The following SPATA19 variants were observed in gnomAD, a reference collection of about 807,000 sequenced individuals.
SPATA19 encodes the protein spermatogenesis associated 19.
Under a neutral mutation model 25.0 loss-of-function variants are expected in SPATA19, and 19 were observed. The ratio of observed to expected loss-of-function variants is 0.76; its 90% CI spans 0.53 to 1.11. The LOEUF (loss-of-function observed/expected upper bound fraction) is 1.11, where lower values mean the gene tolerates loss of function less well. Among genes scored for constraint, SPATA19 ranks in the 50% most tolerant of loss-of-function variants. The pLI is 0.00. For synonymous variants in SPATA19, 64 were observed against 69.3 expected (o/e 0.92, Z 0.38); for missense variants, 222 against 211.4 (o/e 1.05, Z -0.31).
At position 133,842,509 on chromosome 11, in the gene SPATA19, T is replaced by A; in HGVS notation, c.413A>T (p.Asp138Val). ...PSEMTEDIMRDRIEQVRRSIS... is the reference protein window; with the variant it reads ...PSEMTEDIMRVRIEQVRRSIS... Reference sequence around the variant, plus strand: ...CCTTCGTCTCACCTGCTCTATTCGATCTCGCATGATGTCCTCTGTCATCTC... The same window carrying A: ...CCTTCGTCTCACCTGCTCTATTCGAACTCGCATGATGTCCTCTGTCATCTC... Residue 138 changes from aspartate to valine, a missense_variant, in exon 5 of 7, where the codon GAT (aspartate) becomes GTT (valine). Coordinates refer to ENST00000299140, the MANE Select transcript of SPATA19 (RefSeq NM_174927.3). The A allele has an allele frequency of 6.2e-7, 1 of 1,613,974 alleles. No homozygotes were observed. The highest frequency in any genetic ancestry group is 8.5e-7 in the Non-Finnish European group (1 of 1,179,954).
chr11:133,845,130 T>C lies in SPATA19; in HGVS notation c.135+4A>G. On this transcript the variant is annotated splice_donor_region_variant and intron_variant, in intron 2 of 6. Transcript: ENST00000299140. ...ATCCTGAGTCATAAAGAAATCTTACTCACTTTTTTCAACCAATGATGTAGT... is the reference window on the plus strand; with the variant it reads ...ATCCTGAGTCATAAAGAAATCTTACCCACTTTTTTCAACCAATGATGTAGT... 3.1e-6 allele frequency: 5 copies of C among 1,613,292 alleles called. No individual in the cohort carries two copies. Among genetic ancestry groups the C allele is most frequent in the Non-Finnish European group, 4.2e-6 (5 of 1,179,476 alleles).
rs1357811918 is a variant in SPATA19 at position 133,840,912 on chromosome 11, C to T, written c.*21G>A. ...TGTAACCCCACTGTTCTCCGCGTTC[C>T]CAAAGCTCCATCTAGAGAGCAGAAA... On this transcript the variant is annotated 3_prime_UTR_variant, in exon 7 of 7. Coordinates refer to ENST00000299140, the MANE Select transcript of SPATA19 (RefSeq NM_174927.3). 3 of 152,130 alleles carry T rather than the reference C, an allele frequency of 2.0e-5. No homozygotes were observed. Among genetic ancestry groups the T allele is most frequent in the Non-Finnish European group, 4.4e-5 (3 of 68,052 alleles). The allele number at this position is 152,130 out of a possible 1,614,324, so 9.4% of individuals were successfully genotyped here.
downstream of SPATA19, among the ~76,000 whole-genome samples, chr11:133,837,232 G>A (rs546586683): frequency 1.3e-5 from 2 of 152,230 alleles, no homozygotes; most frequent in South Asian, 2.1e-4. Context: ...AGCTCAGAAG[G>A]CAAACCACTG....
intron 2 of SPATA19, 32 bp downstream of exon 2, chr11:133,845,102 G>A (rs1390206346): frequency 6.3e-7 from 1 of 1,593,872 alleles, no homozygotes; most frequent in African/African-American, 1.3e-5. Flanking sequence ...TAGCATTTTG[G>A]ATATCCTGAG....
downstream of SPATA19, among the ~76,000 whole-genome samples, chr11:133,839,429 G>A (rs1410589663): frequency 6.6e-6 from 1 of 151,538 alleles, no homozygotes. Flanking sequence ...ACTATCACAA[G>A]GACAAAAAAC....
chr11:133,844,427 C>G (rs1038781177), intron 3 of SPATA19, 82 bp downstream of exon 3: 6 of 1,612,454 alleles, frequency 3.7e-6, no homozygotes, highest in Non-Finnish European at 5.1e-6. Context: ...TCACCCTTGC[C>G]CAGAATCATT....
chr11:133,844,293 G>A lies in SPATA19; in HGVS notation c.312C>T (p.Ser104=). Residue 104 remains serine, a synonymous_variant, in exon 4 of 7, where the codon AGC becomes AGT. Coordinates refer to ENST00000299140, the MANE Select transcript of SPATA19 (RefSeq NM_174927.3). ...GTGTTCTCTCCTCTAGGACCTCTTG[G>A]CTCTGGTTTGCCAACAAATCAGACT... The part of the protein sequence containing the change: ...LSKSDLLANQ[S]QEVLEERTRI... The A allele has an allele frequency of 6.2e-7, 1 of 1,614,076 alleles. No individual in the cohort carries two copies. The highest frequency in any genetic ancestry group is 8.5e-7 in the Non-Finnish European group (1 of 1,180,026).
downstream of SPATA19, among the ~76,000 whole-genome samples, chr11:133,838,280 A>G (rs1938244424): frequency 6.6e-6 from 1 of 152,240 alleles, no homozygotes; most frequent in Non-Finnish European, 1.5e-5. Flanking sequence ...TGGAAACTCT[A>G]AGAAAAAAAG....
downstream of SPATA19, among the ~76,000 whole-genome samples, chr11:133,836,918 C>T (rs889286175): frequency 6.6e-6 from 1 of 152,172 alleles, no homozygotes; most frequent in Non-Finnish European, 1.5e-5. Flanking sequence ...CAAAGTGACT[C>T]TGGTCAAGGT....
rs1299696340 is a variant in SPATA19 at position 133,842,428 on chromosome 11, C to A, written c.437+57G>T. 4 of 1,410,936 alleles carry A rather than the reference C, an allele frequency of 2.8e-6. No individual in the cohort carries two copies. In the Admixed American group the frequency reaches 5.0e-5, roughly 18 times the overall value. 87.4% of individuals were successfully genotyped at this position (1,410,936 alleles called of 1,614,324 possible). ...TGTGGGCGGGAAACCCAGCAGTCACCCCCACCCTACCTGCCCCCAGTCAGG... is the reference window on the plus strand; with the variant it reads ...TGTGGGCGGGAAACCCAGCAGTCACACCCACCCTACCTGCCCCCAGTCAGG... On this transcript the variant is annotated intron_variant, in intron 5 of 6. Transcript: ENST00000299140.
chr11:133,844,648 G>A lies in SPATA19; in HGVS notation c.136-8C>T, dbSNP rs2282603. ...AGAAGCCTCTTCTTCTGTCTGAAAG[G>A]TGAGAAATTCCCTCTGAAAATGTCA... On this transcript the variant is annotated splice_region_variant and splice_polypyrimidine_tract_variant and intron_variant, in intron 2 of 6. Coordinates refer to ENST00000299140, the MANE Select transcript of SPATA19 (RefSeq NM_174927.3). 0.05 allele frequency: 78,841 copies of A among 1,586,536 alleles called. 2,683 individuals are homozygous for A. The highest frequency in any genetic ancestry group is 0.13 in the South Asian group (11,532 of 85,902).
Position 133,844,291 on chromosome 11 carries a change from T to C in SPATA19, c.314A>G (p.Gln105Arg), listed in dbSNP as rs1363906653. The change falls in exon 4 of 7, where the codon CAA becomes CGA. Residue 105 changes from glutamine to arginine, a missense_variant. Coordinates refer to ENST00000299140, the MANE Select transcript of SPATA19 (RefSeq NM_174927.3). The stretch of plus-strand genomic sequence containing the variant: ...TCGTGTTCTCTCCTCTAGGACCTCT[T>C]GGCTCTGGTTTGCCAACAAATCAGA... ...SKSDLLANQS[Q>R]EVLEERTRIQ... 6.2e-7 allele frequency: 1 copy of C among 1,614,208 alleles called. No homozygotes were observed. The highest frequency in any genetic ancestry group is 8.5e-7 in the Non-Finnish European group (1 of 1,180,040).
At chr11:133,842,589 A>G (rs1288768887) in intron 4 of SPATA19, 27 bp from the exon 5 acceptor site, 2 of 1,558,720 alleles carry the variant, frequency 1.3e-6, no homozygotes, top group Non-Finnish European at 1.8e-6. Context: ...GTACATTGGC[A>G]TATGGGATCT....
rs1411625738 is a variant in SPATA19 at position 133,841,734 on chromosome 11, C to T, written c.*9+296G>A. 5.9e-5 allele frequency among the ~76,000 whole-genome samples: 9 copies of T among 152,200 alleles called. No homozygotes were observed. The East Asian group carries it at 1.7e-3, about 29-fold the overall frequency. ...AAATGCAAAATTGCAGGCTCCACCA[C>T]AACCTCCTAAACACGAAAGCCCGGG... On this transcript the variant is annotated intron_variant, in intron 6 of 6. Coordinates refer to ENST00000299140, the MANE Select transcript of SPATA19 (RefSeq NM_174927.3).
rs768378019 is a variant in SPATA19 at position 133,844,559 on chromosome 11, T to C, written c.217A>G (p.Thr73Ala). 1 of 1,614,154 alleles carries C rather than the reference T, an allele frequency of 6.2e-7. No individual in the cohort carries two copies. The highest frequency in any genetic ancestry group is 8.5e-7 in the Non-Finnish European group (1 of 1,180,020). The change falls in exon 3 of 7, where the codon ACT (threonine) becomes GCT (alanine). Residue 73 changes from threonine to alanine, a missense_variant. Thr to Ala is a moderately conservative substitution (Grantham distance 58, BLOSUM62 0). Transcript: ENST00000299140. ...PSQGVREKMS[T>A]DSPPTHGQDI... ...TGGCCATGGGTGGGAGGGGAGTCAG[T>C]GGACATCTTCTCCCTTACACCCTGG...
chr11:133,840,898 T>G lies in SPATA19; in HGVS notation c.*35A>C, dbSNP rs900006110. ...TGATGATGACTCCCTGTAACCCCAC[T>G]GTTCTCCGCGTTCCCAAAGCTCCAT... On this transcript the variant is annotated 3_prime_UTR_variant, in exon 7 of 7. Transcript: ENST00000299140. 1 of 152,160 alleles carries G rather than the reference T, an allele frequency of 6.6e-6. No individual in the cohort carries two copies. Among genetic ancestry groups the G allele is most frequent in the Non-Finnish European group, 1.5e-5 (1 of 68,052 alleles). The allele number at this position is 152,160 out of a possible 1,614,324, so 9.4% of individuals were successfully genotyped here.
Position 133,842,116 on chromosome 11 carries a change from CAG to C in SPATA19, c.438-13_438-12del, listed in dbSNP as rs1476645622. 1.2e-6 allele frequency: 2 copies of C among 1,613,804 alleles called. No homozygotes were observed. The highest frequency in any genetic ancestry group is 1.7e-6 in the Non-Finnish European group (2 of 1,179,934). Reference sequence around the variant, plus strand: ...GTAAGACGGGATATGCTGCAGGGGACAGAGGAGAAGGGCCAGGTGGAGGGAGG... The same window carrying C: ...GTAAGACGGGATATGCTGCAGGGGACAGGAGAAGGGCCAGGTGGAGGGAGG... On this transcript the variant is annotated splice_polypyrimidine_tract_variant and intron_variant, in intron 5 of 6. Transcript: ENST00000299140.
chr11:133,842,402 G>A, intron 5 of SPATA19, 83 bp downstream of exon 5: 3 of 1,031,540 alleles, frequency 2.9e-6, no homozygotes, highest in South Asian at 1.3e-5. Context: ...GCATTGCTGG[G>A]TGTGGGCGGG....
rs2121179371 is a variant in SPATA19 at position 133,841,916 on chromosome 11, T to C, written c.*9+114A>G. The C allele has an allele frequency of 3.9e-6, 4 of 1,027,944 alleles. No individual in the cohort carries two copies. The South Asian group carries it at 5.4e-5, about 14-fold the overall frequency. 63.7% of individuals were successfully genotyped at this position (1,027,944 alleles called of 1,614,324 possible). A position where few individuals can be genotyped will look rare whatever the true frequency, so the allele number is the denominator to read the frequency against. On this transcript the variant is annotated intron_variant, in intron 6 of 6. Coordinates refer to ENST00000299140, the MANE Select transcript of SPATA19 (RefSeq NM_174927.3). ...ACTACTGGCCCTGAGTGCAGGCCCT[T>C]CCCCAGTAGGGAAAAGCTAAGCCTC...
Sources: gnomAD v4.1 joint callset for allele counts (sites outside exome capture counted in the v4.1 genomes callset) on GRCh38, gnomAD v4.1.1 for gene constraint, MANE v1.5 for transcripts, NCBI Gene and HGNC (gene_info 2026-07-23, HGNC 2026-07-21) for gene names.